Variants in KLHL29 observed in about 807,000 individuals in gnomAD.
KLHL29 encodes kelch-like protein 29.
In KLHL29, 21 loss-of-function variants were observed where a neutral mutation model predicts 80.4. The observed-to-expected ratio is 0.26, with a 90% confidence interval of 0.19 to 0.38. The LOEUF (loss-of-function observed/expected upper bound fraction) is 0.38. Ranked by LOEUF, KLHL29 falls within the 10% of genes least tolerant of loss-of-function variation. The pLI is 1.00. For missense variants in KLHL29, 867 were observed against 1,223.9 expected (o/e 0.71, Z 4.35); for synonymous variants, 511 against 526.8 (o/e 0.97, Z 0.41).
At chr2:23,472,051 C>T (rs186741544) in intron 1 of KLHL29, among the ~76,000 whole-genome samples, 15 of 145,898 alleles carry the variant, frequency 1.0e-4, no homozygotes, top group African/African-American at 2.0e-4. Flanking sequence ...GTTTATACAC[C>T]GCTACATGAT....
At chr2:23,514,589 T>C (rs759940053) in intron 2 of KLHL29, among the ~76,000 whole-genome samples, 1 of 152,210 alleles carries the variant, frequency 6.6e-6, no homozygotes. Flanking sequence ...CTTTGGCACC[T>C]CTGTCTGCAA....
chr2:23,481,931 T>G (rs2103442594), intron 2 of KLHL29, among the ~76,000 whole-genome samples: 1 of 150,540 alleles, frequency 6.6e-6, no homozygotes, highest in East Asian at 1.9e-4. Flanking sequence ...AGAGGCTGGT[T>G]TGGTTCACAG....
At chr2:23,456,922 G>A (rs567191095) in intron 1 of KLHL29, among the ~76,000 whole-genome samples, 90 of 152,274 alleles carry the variant, frequency 5.9e-4, no homozygotes, top group African/African-American at 2.1e-3. Context: ...GCCAGGCAGA[G>A]GGAGAAAAAA....
intron 1 of KLHL29, among the ~76,000 whole-genome samples, chr2:23,469,996 G>C (rs1210954278): frequency 1.3e-5 from 2 of 151,544 alleles, no homozygotes; most frequent in Non-Finnish European, 2.9e-5. Flanking sequence ...TTTCATTTTG[G>C]GGGGGTCTGC....
At chr2:23,543,643 A>G (rs1258621817) in intron 2 of KLHL29, among the ~76,000 whole-genome samples, 1 of 152,214 alleles carries the variant, frequency 6.6e-6, no homozygotes, top group Non-Finnish European at 1.5e-5. Context: ...TAGAAGTCAG[A>G]TAGTGCCTAG....
intron 1 of KLHL29, among the ~76,000 whole-genome samples, chr2:23,455,666 C>T (rs888202923): frequency 7.2e-6 from 1 of 139,210 alleles, no homozygotes; most frequent in Non-Finnish European, 1.5e-5. Context: ...GGCTGGAGTG[C>T]AGTGGCACCA....
chr2:23,449,654 A>C (rs1223474137), intron 1 of KLHL29, among the ~76,000 whole-genome samples: 6 of 152,188 alleles, frequency 3.9e-5, no homozygotes, highest in African/African-American at 1.4e-4. Context: ...AAAGCCAGTC[A>C]CACAGTCATG....
chr2:23,406,163 T>C (rs980189729), intron 1 of KLHL29, among the ~76,000 whole-genome samples: 4 of 151,992 alleles, frequency 2.6e-5, no homozygotes, highest in African/African-American at 9.7e-5. Context: ...ACCCCGTCTC[T>C]ACTAAAATAC....
chr2:23,463,757 T>C (rs995552455), intron 1 of KLHL29, among the ~76,000 whole-genome samples: 2 of 152,230 alleles, frequency 1.3e-5, no homozygotes, highest in Admixed American at 6.5e-5. Context: ...TTGTGTAGTT[T>C]AATGAGCATA....
intron 3 of KLHL29, among the ~76,000 whole-genome samples, chr2:23,597,364 T>C (rs1218555509): frequency 2.2e-5 from 1 of 45,812 alleles, no homozygotes; most frequent in Non-Finnish European, 4.6e-5. Context: ...TGTGTATGTA[T>C]ATATATATGT....
At chr2:23,640,565 C>T (rs1669739944) in intron 4 of KLHL29, among the ~76,000 whole-genome samples, 1 of 152,234 alleles carries the variant, frequency 6.6e-6, no homozygotes, top group Admixed American at 6.5e-5. Context: ...ACCACCTCCC[C>T]TCTTCAGGCT....
rs678240 is a variant in KLHL29, at chr2:23,631,111, C to T, written c.286-8028C>T. On this transcript the variant is annotated intron_variant, in intron 3 of 13. Coordinates refer to ENST00000486442, the MANE Select transcript of KLHL29 (RefSeq NM_052920.2). ...GACAGGGCCAGGCCTGGGGCCCAGA[C>T]GGGTTCTGCAGTTGTAGCTCCCAGC... Among the ~76,000 whole-genome samples, 381 of 151,776 alleles carry T rather than the reference C, an allele frequency of 2.5e-3. 1 individual carries two copies. The highest frequency in any genetic ancestry group is 8.6e-3 in the African/African-American group (357 of 41,416).
chr2:23,678,846 G>A (rs936242652), intron 5 of KLHL29, among the ~76,000 whole-genome samples: 19 of 152,202 alleles, frequency 1.2e-4, no homozygotes, highest in Middle Eastern at 6.8e-3. Flanking sequence ...CTTATAAGAG[G>A]GTCTAAAATA....
In KLHL29 at chr2:23,682,414, A is replaced by G. The variant is rs967701791; in HGVS notation, c.941-1985A>G. ...CCCTCAGGTCTGGCTTCGAGGCTCAACTCTCTGCACGGCGCTATCTTGCCT... is the reference window on the plus strand; with the variant it reads ...CCCTCAGGTCTGGCTTCGAGGCTCAGCTCTCTGCACGGCGCTATCTTGCCT... On this transcript the variant is annotated intron_variant, in intron 5 of 13. Transcript: ENST00000486442. This position sits in a 1 kb window ranked among gnomAD's most constrained non-coding sequence, Gnocchi z 4.1. 1.4e-4 allele frequency among the ~76,000 whole-genome samples: 21 copies of G among 151,518 alleles called. No individual in the cohort carries two copies. The highest frequency in any genetic ancestry group is 1.2e-3 in the Admixed American group (18 of 15,236).
At chr2:23,413,716 C>T (rs1666920180) in intron 1 of KLHL29, among the ~76,000 whole-genome samples, 1 of 152,166 alleles carries the variant, frequency 6.6e-6, no homozygotes, top group East Asian at 1.9e-4. Context: ...TGTTCATTTT[C>T]CCATTTGTTC....
At chr2:23,512,429 G>T (rs753111807) in intron 2 of KLHL29, among the ~76,000 whole-genome samples, 21 of 138,436 alleles carry the variant, frequency 1.5e-4, no homozygotes, top group Non-Finnish European at 2.9e-4. Context: ...TGGGCAACAA[G>T]ACCACAATTC....
At chr2:23,670,180 C>T (rs1670671915) in intron 5 of KLHL29, 1 of 152,204 alleles carries the variant, frequency 6.6e-6, no homozygotes, top group South Asian at 2.1e-4. Flanking sequence ...GCGGCTCCAC[C>T]TACCTGAGCT....
chr2:23,413,654 T>G (rs1362899942), intron 1 of KLHL29, among the ~76,000 whole-genome samples: 3 of 152,156 alleles, frequency 2.0e-5, no homozygotes, highest in Non-Finnish European at 2.9e-5. Flanking sequence ...ACCATTGACT[T>G]CATGGAAAAA....
At chr2:23,541,772 C>A (rs72793547) in intron 2 of KLHL29, among the ~76,000 whole-genome samples, 21,984 of 135,020 alleles carry the variant, frequency 0.16, 2,024 homozygotes, top group African/African-American at 0.25. Flanking sequence ...ACCCAAAAAA[C>A]AAAAAAAAAA....
Sources: allele counts gnomAD v4.1 joint callset (sites outside exome capture counted in the v4.1 genomes callset), GRCh38; gene constraint gnomAD v4.1.1; non-coding constraint Gnocchi (gnomAD v3.1); transcripts MANE v1.5; gene names NCBI Gene and HGNC (gene_info 2026-07-23, HGNC 2026-07-21).